Variants in BABAM2 observed in about 807,000 individuals in gnomAD.
BABAM2 encodes the protein BRISC and BRCA1 A complex member 2.
A neutral mutation model predicts 54.7 loss-of-function variants in BABAM2; 31 were observed. The observed-to-expected ratio is 0.57, with a 90% CI of 0.43 to 0.77. The LOEUF (loss-of-function observed/expected upper bound fraction) is 0.77, where lower values mean the gene tolerates loss of function less well. Among genes scored for constraint, BABAM2 ranks in the 30% least tolerant of loss-of-function variants. BABAM2 has a pLI of 0.00. For synonymous variants in BABAM2, 167 were observed against 162.9 expected (o/e 1.03, Z -0.19); for missense variants, 364 against 455.8 (o/e 0.80, Z 1.83).
chr2:28,168,895 T>A (rs1674015030), intron 7 of BABAM2, among the ~76,000 whole-genome samples: 1 of 152,116 alleles, frequency 6.6e-6, no homozygotes, highest in Non-Finnish European at 1.5e-5. Context: ...CAACCCAACT[T>A]CCAGAAAGAT....
intron 6 of BABAM2, among the ~76,000 whole-genome samples, chr2:28,092,997 A>G (rs1267337518): frequency 1.3e-5 from 2 of 152,174 alleles, no homozygotes; most frequent in African/African-American, 4.8e-5. Context: ...TTATCATCAA[A>G]TTATTAAAAG....
At position 27,997,491 on chromosome 2, in the gene BABAM2, C is replaced by A. The variant is rs544108352; in HGVS notation, c.300+9404C>A. 3.3e-5 allele frequency among the ~76,000 whole-genome samples: 5 copies of A among 152,212 alleles called. No homozygotes were observed. The South Asian group carries it at 1.0e-3, about 32-fold the overall frequency. ...GGAAGACAGTAGAAGAACCCTGGTT[C>A]AAAATTAAGATTTATGATTTCATCT... On this transcript the variant is annotated intron_variant, in intron 4 of 11. Coordinates refer to ENST00000379624, the MANE Select transcript of BABAM2 (RefSeq NM_199191.3).
intron 11 of BABAM2, among the ~76,000 whole-genome samples, chr2:28,301,956 C>T (rs1404381580): frequency 1.3e-5 from 2 of 152,060 alleles, no homozygotes; most frequent in African/African-American, 4.8e-5. Context: ...TACCTTATAG[C>T]CTCTTTCCAA....
Position 28,338,711 on chromosome 2 carries a change from T to TTCAC in BABAM2, c.*200_*203dup, listed in dbSNP as rs1691690006. Reference sequence around the variant, plus strand: ...TGGTGGTCCCTGGATCCTAGAGCCCTTCACTTCGGGTTACTCCCTCTTTCT... The same window carrying TTCAC: ...TGGTGGTCCCTGGATCCTAGAGCCCTTCACTCACTTCGGGTTACTCCCTCTTTCT... On this transcript the variant is annotated 3_prime_UTR_variant, in exon 12 of 12. Coordinates refer to ENST00000379624, the MANE Select transcript of BABAM2 (RefSeq NM_199191.3). 8.8e-6 allele frequency: 5 copies of TTCAC among 568,868 alleles called. No individual in the cohort carries two copies. The Admixed American group carries it at 9.5e-5, about 11-fold the overall frequency. The allele number at this position is 568,868 out of a possible 1,614,324, so 35.2% of individuals were successfully genotyped here. A position where few individuals can be genotyped will look rare whatever the true frequency, so the allele number is the denominator to read the frequency against.
At chr2:28,168,493 G>A (rs1673959489) in intron 7 of BABAM2, among the ~76,000 whole-genome samples, 1 of 152,102 alleles carries the variant, frequency 6.6e-6, no homozygotes, top group Non-Finnish European at 1.5e-5. Context: ...ATCACTCCTA[G>A]TGGCTATGAA....
At chr2:28,277,401 G>A (rs958594288) in intron 10 of BABAM2, among the ~76,000 whole-genome samples, 7 of 152,058 alleles carry the variant, frequency 4.6e-5, no homozygotes, top group African/African-American at 1.4e-4. Context: ...CACTGTTCCC[G>A]GCCCATAATC....
intron 6 of BABAM2, among the ~76,000 whole-genome samples, chr2:28,096,455 AG>A (rs1449002493): frequency 1.1e-4 from 17 of 151,946 alleles, no homozygotes; most frequent in African/African-American, 4.1e-4. Context: ...AGTGAGGTTG[AG>A]GGAAGGTACA....
chr2:28,029,553 A>G (rs1676144295), intron 5 of BABAM2, among the ~76,000 whole-genome samples: 1 of 152,158 alleles, frequency 6.6e-6, no homozygotes, highest in Non-Finnish European at 1.5e-5. Flanking sequence ...AAGGCTGCAT[A>G]GTGTTCAATT....
intron 10 of BABAM2, among the ~76,000 whole-genome samples, chr2:28,262,815 A>G (rs1239545016): frequency 6.6e-6 from 1 of 152,154 alleles, no homozygotes; most frequent in South Asian, 2.1e-4. Flanking sequence ...GGTTGTCCCC[A>G]GTCCAGATGA....
In BABAM2 at chr2:27,974,989, C is replaced by A. The variant is rs1671486602; in HGVS notation, c.206-13004C>A. ...TTAAAAAATAGTACCAATTATAATA[C>A]CTTCCTGCCAAAAAAATGCTTAGTT... On this transcript the variant is annotated intron_variant, in intron 3 of 11. Transcript: ENST00000379624. 3.3e-5 allele frequency among the ~76,000 whole-genome samples: 5 copies of A among 151,924 alleles called. No individual in the cohort carries two copies. The South Asian group carries it at 8.3e-4, about 25-fold the overall frequency.
intron 7 of BABAM2, among the ~76,000 whole-genome samples, chr2:28,196,757 A>C (rs574842602): frequency 1.4e-5 from 2 of 147,740 alleles, no homozygotes; most frequent in South Asian, 4.4e-4. Flanking sequence ...GCTGAGGTAG[A>C]AGGATTGCTG....
At chr2:28,236,859 T>C (rs755991047) in intron 7 of BABAM2, among the ~76,000 whole-genome samples, 4 of 152,204 alleles carry the variant, frequency 2.6e-5, no homozygotes, top group Non-Finnish European at 5.9e-5. Flanking sequence ...GAATAACTTA[T>C]CTGTGCCCAG....
chr2:28,061,322 A>G (rs1430720714), intron 6 of BABAM2, among the ~76,000 whole-genome samples: 1 of 152,026 alleles, frequency 6.6e-6, no homozygotes, highest in African/African-American at 2.4e-5. Context: ...GCGGTGGCTC[A>G]TGCCTGTAAT....
intron 3 of BABAM2, among the ~76,000 whole-genome samples, chr2:27,932,572 A>G (rs889828847): frequency 1.3e-5 from 2 of 152,180 alleles, no homozygotes; most frequent in African/African-American, 4.8e-5. Flanking sequence ...GCCAGATGTG[A>G]GTCAACTGCT....
At chr2:28,131,506 T>A (rs181112191) in intron 7 of BABAM2, among the ~76,000 whole-genome samples, 1 of 152,334 alleles carries the variant, frequency 6.6e-6, no homozygotes, top group East Asian at 1.9e-4. Context: ...ACCTGGTTCC[T>A]GCCACTCACC....
intron 7 of BABAM2, among the ~76,000 whole-genome samples, chr2:28,193,632 C>T (rs1677184464): frequency 6.6e-6 from 1 of 152,050 alleles, no homozygotes. Flanking sequence ...ATCCATTGCT[C>T]AAGAAAACCA....
At chr2:27,924,970 C>CTACTAA (rs1389426308) in intron 2 of BABAM2, among the ~76,000 whole-genome samples, 4 of 152,026 alleles carry the variant, frequency 2.6e-5, no homozygotes, top group African/African-American at 9.7e-5. Flanking sequence ...AGAAAGAGAC[C>CTACTAA]TACTAATGGC....
At chr2:27,959,248 C>T (rs1302384098) in intron 3 of BABAM2, among the ~76,000 whole-genome samples, 7 of 152,100 alleles carry the variant, frequency 4.6e-5, no homozygotes, top group Non-Finnish European at 1.5e-5. Context: ...AAATATGGTC[C>T]TAAGAGCCTA....
chr2:28,258,412 AT>A (rs1226877975), intron 10 of BABAM2, among the ~76,000 whole-genome samples: 1 of 151,866 alleles, frequency 6.6e-6, no homozygotes, highest in Admixed American at 6.6e-5. Flanking sequence ...TGAGAGTTTA[AT>A]TTTTCCCCAT....
Sources: allele counts gnomAD v4.1 joint callset (sites outside exome capture counted in the v4.1 genomes callset), GRCh38; gene constraint gnomAD v4.1.1; transcripts MANE v1.5; gene names NCBI Gene and HGNC (gene_info 2026-07-23, HGNC 2026-07-21).